The following CYTH3 variants were observed in gnomAD, a reference collection of about 807,000 sequenced individuals.
The protein encoded by CYTH3 is cytohesin-3.
Under a neutral mutation model 55.1 loss-of-function variants are expected in CYTH3, and 23 were observed. The observed-to-expected ratio is 0.42, with a 90% CI of 0.30 to 0.59. The LOEUF (loss-of-function observed/expected upper bound fraction) is 0.59, where lower values mean the gene tolerates loss of function less well. CYTH3 is among the 20% of genes least tolerant of loss of function. The probability of loss-of-function intolerance (pLI) is 0.20; values close to 1 mark genes in which losing one functional copy is unlikely to be tolerated. For synonymous variants in CYTH3, 249 were observed against 194.9 expected, an observed-to-expected ratio of 1.28 and a Z score of -2.31; for missense variants, 413 against 524.8, an observed-to-expected ratio of 0.79 and a Z score of 2.08.
intron 6 of CYTH3, chr7:6,172,644 C>T (rs1757076062): frequency 6.3e-6 from 6 of 945,060 alleles, no homozygotes; most frequent in South Asian, 5.3e-5. Context: ...TAATAGGAAC[C>T]TCTCCGGCTC....
At chr7:6,239,253 G>A (rs1360968565) in intron 1 of CYTH3, among the ~76,000 whole-genome samples, 1 of 152,102 alleles carries the variant, frequency 6.6e-6, no homozygotes, top group Non-Finnish European at 1.5e-5. Flanking sequence ...GGGGAGGGGA[G>A]AGGAGAGAAG....
At chr7:6,207,430 T>C (rs1297690055) in intron 1 of CYTH3, among the ~76,000 whole-genome samples, 1 of 152,172 alleles carries the variant, frequency 6.6e-6, no homozygotes, top group Non-Finnish European at 1.5e-5. Flanking sequence ...TATACAGCTA[T>C]AAAGAATGCC....
chr7:6,244,764 A>C (rs1779759596), intron 1 of CYTH3, among the ~76,000 whole-genome samples: 1 of 152,026 alleles, frequency 6.6e-6, no homozygotes. Context: ...TCCTGGAGGA[A>C]AGACTGGATT....
chr7:6,225,279 A>T (rs574163847), intron 1 of CYTH3, among the ~76,000 whole-genome samples: 9 of 152,332 alleles, frequency 5.9e-5, no homozygotes, highest in African/African-American at 1.9e-4. Context: ...GTGCATAGAA[A>T]TTGTTCTGGA....
chr7:6,193,949 G>A (rs956589192), intron 1 of CYTH3, among the ~76,000 whole-genome samples: 15 of 152,138 alleles, frequency 9.9e-5, no homozygotes, highest in African/African-American at 3.4e-4. Context: ...CAGAGGCTGG[G>A]ACAAGCGTCT....
chr7:6,202,982 G>C (rs1186005975), intron 1 of CYTH3, among the ~76,000 whole-genome samples: 2 of 152,050 alleles, frequency 1.3e-5, no homozygotes, highest in Admixed American at 6.6e-5. Flanking sequence ...TGACATACCA[G>C]ACAAATTCTT....
At chr7:6,166,151 A>AC (rs1301833724) in intron 9 of CYTH3, among the ~76,000 whole-genome samples, 3 of 152,260 alleles carry the variant, frequency 2.0e-5, no homozygotes, top group South Asian at 4.1e-4. Context: ...CCAGGACCTG[A>AC]CCCCACCATG....
chr7:6,238,405 A>C (rs1385579316), intron 1 of CYTH3, among the ~76,000 whole-genome samples: 3 of 152,242 alleles, frequency 2.0e-5, no homozygotes. Flanking sequence ...AGATTAAAGA[A>C]ATGATGGCTA....
chr7:6,187,539 A>C, intron 3 of CYTH3, 118 bp downstream of exon 3: 1 of 904,724 alleles, frequency 1.1e-6, no homozygotes, highest in Non-Finnish European at 1.8e-6. Flanking sequence ...AGGAATTAAC[A>C]ACTCCACAGG....
intron 1 of CYTH3, among the ~76,000 whole-genome samples, chr7:6,232,689 G>C (rs1430241765): frequency 6.6e-6 from 1 of 152,208 alleles, no homozygotes; most frequent in Non-Finnish European, 1.5e-5. Flanking sequence ...ACCTCAGCCA[G>C]ACTGTGTGGT....
At position 6,187,127 on chromosome 7, in the gene CYTH3, G is replaced by A; in HGVS notation, c.183-11C>T. The A allele has an allele frequency of 6.2e-7, 1 of 1,613,242 alleles. No homozygotes were observed. Among genetic ancestry groups the A allele is most frequent in the East Asian group, 2.2e-5 (1 of 44,860 alleles). On this transcript the variant is annotated splice_polypyrimidine_tract_variant and intron_variant, in intron 3 of 12. Transcript: ENST00000350796. ...CTCTGAGTCGTTTTGCTATTGGTGT[G>A]AAATAATTTAAAAATCACTCATGCT...
intron 1 of CYTH3, among the ~76,000 whole-genome samples, chr7:6,198,247 A>T (rs1168592274): frequency 1.3e-5 from 2 of 152,248 alleles, no homozygotes; most frequent in African/African-American, 4.8e-5. Context: ...AAGGCATAGG[A>T]GTATGTGATA....
intron 1 of CYTH3, among the ~76,000 whole-genome samples, chr7:6,261,668 C>T (rs1031513060): frequency 1.7e-5 from 2 of 120,694 alleles, no homozygotes; most frequent in African/African-American, 6.5e-5. Flanking sequence ...TCAGCTTAGG[C>T]GACAGAGTGA....
At position 6,172,882 on chromosome 7, in the gene CYTH3, A is replaced by G. The variant is rs986191256; in HGVS notation, c.449+771T>C. ...AGCACAACATCACGAGGGTCCCACA[A>G]AAACGCTGCCAACATTGCAGTCTGC... On this transcript the variant is annotated intron_variant, in intron 6 of 12. Transcript: ENST00000350796. The G allele has an allele frequency of 7.2e-6, 9 of 1,252,104 alleles. No individual in the cohort carries two copies. In the African/African-American group the frequency reaches 9.3e-5, roughly 13 times the overall value. The allele number at this position is 1,252,104 out of a possible 1,614,324, so 77.6% of individuals were successfully genotyped here. A position where few individuals can be genotyped will look rare whatever the true frequency, so the allele number is the denominator to read the frequency against.
chr7:6,168,725 A>G (rs559072733), intron 9 of CYTH3, among the ~76,000 whole-genome samples: 11 of 152,334 alleles, frequency 7.2e-5, no homozygotes, highest in African/African-American at 2.6e-4. Flanking sequence ...GCCCAACCAG[A>G]AAACAGGTTA....
chr7:6,172,539 T>C (rs1216335546), intron 6 of CYTH3, among the ~76,000 whole-genome samples: 5 of 152,180 alleles, frequency 3.3e-5, no homozygotes, highest in African/African-American at 1.2e-4. Flanking sequence ...TCAGGGCAGC[T>C]CCTCAGGCCA....
At chr7:6,196,958 A>C (rs965417649) in intron 1 of CYTH3, among the ~76,000 whole-genome samples, 2 of 152,170 alleles carry the variant, frequency 1.3e-5, no homozygotes, top group Admixed American at 6.5e-5. Context: ...CTTTAATTCA[A>C]GCATCGGCAT....
At chr7:6,226,369 T>A (rs565415276) in intron 1 of CYTH3, among the ~76,000 whole-genome samples, 1 of 152,326 alleles carries the variant, frequency 6.6e-6, no homozygotes, top group South Asian at 2.1e-4. Context: ...ACATCTGGCA[T>A]TCCATTTCCC....
intron 1 of CYTH3, among the ~76,000 whole-genome samples, chr7:6,218,739 G>T (rs572485873): frequency 4.8e-4 from 73 of 152,270 alleles, no homozygotes; most frequent in Middle Eastern, 6.8e-3. Flanking sequence ...AGGCACGGTG[G>T]CTCATGTCTG....
Sources: allele counts gnomAD v4.1 joint callset (sites outside exome capture counted in the v4.1 genomes callset), GRCh38; gene constraint gnomAD v4.1.1; transcripts MANE v1.5; gene names NCBI Gene and HGNC (gene_info 2026-07-23, HGNC 2026-07-21).